Variants in KNDC1 observed in about 807,000 individuals in gnomAD.
KNDC1 encodes the protein kinase non-catalytic C-lobe domain-containing protein 1.
In KNDC1, 106 loss-of-function variants were observed where a neutral mutation model predicts 172.8. That is an observed-to-expected ratio of 0.61 (90% CI 0.52 to 0.72). The LOEUF (loss-of-function observed/expected upper bound fraction) is 0.72. Among genes scored for constraint, KNDC1 ranks in the 30% least tolerant of loss-of-function variants. The pLI, the probability that KNDC1 is intolerant of heterozygous loss-of-function variation, is 0.00. For synonymous variants in KNDC1, 1,083 were observed against 1,062.2 expected (o/e 1.02, Z -0.38); for missense variants, 2,325 against 2,394.5 (o/e 0.97, Z 0.61).
rs773922755 is a variant in KNDC1, at chr10:133,218,882, G to A, written c.4729G>A (p.Glu1577Lys). 1 of 1,613,896 alleles carries A rather than the reference G, an allele frequency of 6.2e-7. No homozygotes were observed. The highest frequency in any genetic ancestry group is 2.2e-5 in the East Asian group (1 of 44,876). ...TTTGCTGATTGCAAAATCTTGCTAT[G>A]AGCAGAGAAACTTCGCGACAGCCAT... ...KFLLIAKSCY[E>K]QRNFATAMQI... Residue 1577 changes from glutamate (E) to lysine (K), a missense_variant, in exon 27 of 30, where the codon GAG becomes AAG. Glu to Lys is a moderately conservative substitution (Grantham distance 56). Transcript: ENST00000304613.
intron 5 of KNDC1, among the ~76,000 whole-genome samples, chr10:133,185,582 C>T (rs903041686): frequency 2.6e-5 from 4 of 151,950 alleles, no homozygotes; most frequent in Non-Finnish European, 4.4e-5. Context: ...CCGCTGACGG[C>T]CGTAGCCACA....
chr10:133,168,887 G>A (rs1029518332), intron 3 of KNDC1, among the ~76,000 whole-genome samples: 17 of 152,364 alleles, frequency 1.1e-4, no homozygotes, highest in African/African-American at 2.4e-4. Context: ...GACCCTTTGC[G>A]TGGGAGGAGT....
At chr10:133,207,633 C>T (rs1845242095) in intron 20 of KNDC1, among the ~76,000 whole-genome samples, 1 of 152,226 alleles carries the variant, frequency 6.6e-6, no homozygotes, top group Non-Finnish European at 1.5e-5. Flanking sequence ...AATTAACACA[C>T]GGAATGGCTT....
In KNDC1 at chr10:133,226,224, G is replaced by A. The variant is rs1283700001; in HGVS notation, c.*1334G>A. On this transcript the variant is annotated 3_prime_UTR_variant, in exon 30 of 30. Transcript: ENST00000304613. ...TCACTTTTTTTTAGGCTTTTATATG[G>A]ATTATGTTTTGCTGACCCACGCCCG... The A allele has an allele frequency of 6.6e-6, 1 of 152,144 alleles. No homozygotes were observed. The highest frequency in any genetic ancestry group is 1.5e-5 in the Non-Finnish European group (1 of 68,038). 9.4% of individuals were successfully genotyped at this position (152,144 alleles called of 1,614,324 possible).
At position 133,218,926 on chromosome 10, in the gene KNDC1, G is replaced by A. The variant is rs367721915; in HGVS notation, c.4773G>A (p.Leu1591=). Residue 1591 remains leucine (L), a synonymous_variant, in exon 27 of 30, where the codon CTG becomes CTA. Coordinates refer to ENST00000304613, the MANE Select transcript of KNDC1 (RefSeq NM_152643.8). ...CAGCCATGCAGATCCTGAGCGGGCTGGAGCACCTGGCCGTGAGGCAGTCCC... is the reference window on the plus strand; with the variant it reads ...CAGCCATGCAGATCCTGAGCGGGCTAGAGCACCTGGCCGTGAGGCAGTCCC... The part of the protein sequence containing the change: ...FATAMQILSG[L]EHLAVRQSPA... 8 of 1,613,696 alleles carry A rather than the reference G, an allele frequency of 5.0e-6. No individual in the cohort carries two copies. The African/African-American group carries it at 1.1e-4, about 22-fold the overall frequency.
intron 9 of KNDC1, among the ~76,000 whole-genome samples, chr10:133,193,208 T>G (rs543591319): frequency 6.6e-6 from 1 of 152,298 alleles, no homozygotes; most frequent in South Asian, 2.1e-4. Context: ...GAAACCTATT[T>G]CCAGCAAAAA....
chr10:133,219,125 C>T (rs760918946), intron 28 of KNDC1, 35 bp downstream of exon 28: 18 of 1,599,788 alleles, frequency 1.1e-5, no homozygotes, highest in Admixed American at 8.7e-5. Context: ...CGGCTTTGGT[C>T]CCCCGAGGCC....
chr10:133,221,551 A>G (rs988736320), intron 29 of KNDC1, among the ~76,000 whole-genome samples: 2 of 152,028 alleles, frequency 1.3e-5, no homozygotes, highest in Admixed American at 1.3e-4. Flanking sequence ...CGTTGTCCAC[A>G]CACGGTCAGG....
Position 133,222,276 on chromosome 10 carries a change from C to T in KNDC1, c.5018+2164C>T, listed in dbSNP as rs1275655105. On this transcript the variant is annotated intron_variant, in intron 29 of 29. Transcript: ENST00000304613. ...CCAGCCTGGGCGATAGAGCGAGACT[C>T]CGTCTCAAAAAAAAAAAAAAACTTA... Among the ~76,000 whole-genome samples, 3 of 129,650 alleles carry T rather than the reference C, an allele frequency of 2.3e-5. No homozygotes were observed. The East Asian group carries it at 8.5e-4, about 37-fold the overall frequency. 85.1% of individuals were successfully genotyped at this position (129,650 alleles called of 152,430 possible).
At position 133,160,412 on chromosome 10, in the gene KNDC1, G is replaced by GAGCCCAGCCC. The variant is rs1042140786; in HGVS notation, c.-46_-37dup. On this transcript the variant is annotated 5_prime_UTR_variant, in exon 1 of 30. Transcript: ENST00000304613. The stretch of plus-strand genomic sequence containing the variant: ...CCATGGAGCCAGGGCGCGCGTAGCC[G>GAGCCCAGCCC]AGCCCAGCCCAGCCCAGCCGGAGGC... 6 of 1,144,816 alleles carry GAGCCCAGCCC rather than the reference G, an allele frequency of 5.2e-6. No homozygotes were observed. The highest frequency in any genetic ancestry group is 6.8e-6 in the Non-Finnish European group (6 of 879,416). The allele number at this position is 1,144,816 out of a possible 1,614,324, so 70.9% of individuals were successfully genotyped here.
chr10:133,169,264 C>T (rs990832625), intron 3 of KNDC1, among the ~76,000 whole-genome samples: 3 of 152,130 alleles, frequency 2.0e-5, no homozygotes, highest in Admixed American at 6.5e-5. Flanking sequence ...AGTTCAAGAC[C>T]AGCCTGGCCA....
intron 17 of KNDC1, chr10:133,202,674 T>C: frequency 4.4e-6 from 2 of 456,556 alleles, no homozygotes; most frequent in Middle Eastern, 3.3e-4. Context: ...TCCTTGCTCC[T>C]CTCCTGCCGC....
Position 133,188,614 on chromosome 10 carries a change from G to T in KNDC1, c.1402G>T (p.Ala468Ser). The change falls in exon 7 of 30, where the codon GCC (alanine) becomes TCC (serine). Residue 468 changes from alanine (A) to serine (S), a missense_variant. Transcript: ENST00000304613. The stretch of plus-strand genomic sequence containing the variant: ...GTACGAGCTGTGGGCCCTGTGCCTG[G>T]CCTGCCTCCGCGCACTGCAGACACG... ...REYELWALCL[A>S]CLRALQTRPE... 3 of 1,597,614 alleles carry T rather than the reference G, an allele frequency of 1.9e-6. No individual in the cohort carries two copies. Among genetic ancestry groups the T allele is most frequent in the Non-Finnish European group, 2.6e-6 (3 of 1,174,284 alleles).
At chr10:133,174,282 T>C (rs1853461506) in intron 3 of KNDC1, 1 of 150,980 alleles carries the variant, frequency 6.6e-6, no homozygotes, top group Admixed American at 6.6e-5. Flanking sequence ...TGAGGTTGAG[T>C]AGGGTTCACT....
In KNDC1 at chr10:133,224,899, G is replaced by A. The variant is rs372324411; in HGVS notation, c.*9G>A. The A allele has an allele frequency of 5.1e-5, 82 of 1,604,440 alleles. No homozygotes were observed. In the African/African-American group the frequency reaches 7.0e-4, roughly 14 times the overall value. Reference sequence around the variant, plus strand: ...AGGCTACATTCCAGTAGCCGAGCTCGGGCCTGGTGTGGAATTCCAGATCCG... The same window carrying A: ...AGGCTACATTCCAGTAGCCGAGCTCAGGCCTGGTGTGGAATTCCAGATCCG... On this transcript the variant is annotated 3_prime_UTR_variant, in exon 30 of 30. Coordinates refer to ENST00000304613, the MANE Select transcript of KNDC1 (RefSeq NM_152643.8). This position sits in a 1 kb window ranked among gnomAD's most constrained non-coding sequence, Gnocchi z 5.4.
chr10:133,180,864 T>C (rs993222155), intron 3 of KNDC1, among the ~76,000 whole-genome samples: 5 of 152,230 alleles, frequency 3.3e-5, no homozygotes, highest in Non-Finnish European at 4.4e-5. Context: ...TCATTCATAA[T>C]TACAAAAATG....
At chr10:133,190,550 C>G (rs555163418) in intron 9 of KNDC1, among the ~76,000 whole-genome samples, 1 of 152,340 alleles carries the variant, frequency 6.6e-6, no homozygotes, top group South Asian at 2.1e-4. Flanking sequence ...TTCCTTCTGC[C>G]TCACATATTG....
intron 5 of KNDC1, among the ~76,000 whole-genome samples, chr10:133,184,538 A>C (rs3008394): frequency 0.85 from 128,885 of 152,264 alleles, 54,733 homozygotes; most frequent in Middle Eastern, 0.91. Flanking sequence ...CACACACATG[A>C]AAATTCAGGC....
chr10:133,207,249 C>T lies in KNDC1; in HGVS notation c.3692C>T (p.Ser1231Leu), dbSNP rs746221547. Residue 1231 changes from serine to leucine, a missense_variant, in exon 20 of 30, where the codon TCG becomes TTG. Physicochemically the swap from Ser to Leu is moderately radical, Grantham distance 145 (BLOSUM62 -2). Coordinates refer to ENST00000304613, the MANE Select transcript of KNDC1 (RefSeq NM_152643.8). ...LDFSPLDESS[S>L]LIFYNVNKHP... Reference sequence around the variant, plus strand: ...TTCAGCCCCCTGGACGAGTCCTCCTCGCTCATCTTCTACAACGTCAACAAG... The same window carrying T: ...TTCAGCCCCCTGGACGAGTCCTCCTTGCTCATCTTCTACAACGTCAACAAG... The T allele has an allele frequency of 3.7e-5, 59 of 1,612,940 alleles. No individual in the cohort carries two copies. The highest frequency in any genetic ancestry group is 4.2e-5 in the Non-Finnish European group (49 of 1,179,986).
Sources: gnomAD v4.1 joint callset for allele counts (sites outside exome capture counted in the v4.1 genomes callset) on GRCh38, gnomAD v4.1.1 for gene constraint, Gnocchi (gnomAD v3.1) non-coding constraint, MANE v1.5 for transcripts, NCBI Gene and HGNC (gene_info 2026-07-23, HGNC 2026-07-21) for gene names.